The following AACS variants were observed in gnomAD, a reference collection of about 807,000 sequenced individuals.
The protein encoded by AACS is acetoacetyl-CoA synthetase.
AACS carries 69 observed loss-of-function variants against 83.1 expected under a neutral mutation model. That is an observed-to-expected ratio of 0.83 (90% CI 0.68 to 1.01). The LOEUF (loss-of-function observed/expected upper bound fraction) is 1.01, where lower values mean the gene tolerates loss of function less well. Among genes scored for constraint, AACS ranks in the 50% least tolerant of loss-of-function variants. AACS has a pLI of 0.00. For missense variants in AACS, 866 were observed against 882.2 expected, an observed-to-expected ratio of 0.98 and a Z score of 0.23; for synonymous variants, 333 against 343.4, an observed-to-expected ratio of 0.97 and a Z score of 0.33.
chr12:125,066,693 A>C (rs1314020268), intron 1 of AACS, among the ~76,000 whole-genome samples: 1 of 151,572 alleles, frequency 6.6e-6, no homozygotes, highest in Admixed American at 6.6e-5. Flanking sequence ...AGGTGATCCG[A>C]TCGCCTTGGC....
chr12:125,065,514 C>T lies in AACS; in HGVS notation c.-71C>T. ...ACCGTCGCTTCCTCCGGTCCCAGGTCCCCGGCCCTCGCCTCAGCCCCGGCC... is the reference window on the plus strand; with the variant it reads ...ACCGTCGCTTCCTCCGGTCCCAGGTTCCCGGCCCTCGCCTCAGCCCCGGCC... On this transcript the variant is annotated 5_prime_UTR_variant, in exon 1 of 18. Transcript: ENST00000316519. 7.3e-7 allele frequency: 1 copy of T among 1,368,348 alleles called. No homozygotes were observed. Among genetic ancestry groups the T allele is most frequent in the Non-Finnish European group, 9.5e-7 (1 of 1,057,352 alleles). The allele number at this position is 1,368,348 out of a possible 1,614,324, so 84.8% of individuals were successfully genotyped here. A position where few individuals can be genotyped will look rare whatever the true frequency, so the allele number is the denominator to read the frequency against.
chr12:125,116,306 T>C (rs895293254), intron 9 of AACS, among the ~76,000 whole-genome samples: 3 of 152,132 alleles, frequency 2.0e-5, no homozygotes, highest in Non-Finnish European at 4.4e-5. Flanking sequence ...GGTCTTGTAT[T>C]GAGAGGAAGG....
intron 3 of AACS, among the ~76,000 whole-genome samples, chr12:125,080,498 C>T (rs1466603975): frequency 6.6e-6 from 1 of 151,506 alleles, no homozygotes; most frequent in African/African-American, 2.4e-5. Flanking sequence ...CTGTTACATA[C>T]AGTATTGGCT....
At chr12:125,109,631 G>T (rs1380933365) in intron 8 of AACS, among the ~76,000 whole-genome samples, 2 of 151,690 alleles carry the variant, frequency 1.3e-5, no homozygotes, top group African/African-American at 4.9e-5. Context: ...AATTCAGGAA[G>T]GTTGGCGTTG....
intron 3 of AACS, among the ~76,000 whole-genome samples, chr12:125,079,536 T>G (rs1371759883): frequency 1.3e-5 from 2 of 151,934 alleles, no homozygotes; most frequent in Non-Finnish European, 2.9e-5. Flanking sequence ...CATGCACCAC[T>G]GTGTCCGGCT....
In AACS at chr12:125,142,827, C is replaced by A. The variant is rs1252205986; in HGVS notation, c.*598C>A. The A allele has an allele frequency of 1.3e-5, 2 of 152,522 alleles. No individual in the cohort carries two copies. Among genetic ancestry groups the A allele is most frequent in the East Asian group, 3.8e-4 (2 of 5,198 alleles). 9.4% of individuals were successfully genotyped at this position (152,522 alleles called of 1,614,324 possible). ...TGCGTCACCCGTCAACCAGAGCGTG[C>A]CTCCGGGCCAGCTTCCCTCCAAGGA... is the stretch of plus-strand genomic sequence containing the variant. On this transcript the variant is annotated 3_prime_UTR_variant, in exon 18 of 18. Coordinates refer to ENST00000316519, the MANE Select transcript of AACS (RefSeq NM_023928.5).
intron 5 of AACS, among the ~76,000 whole-genome samples, chr12:125,096,694 A>G (rs916400039): frequency 2.0e-5 from 3 of 152,090 alleles, no homozygotes; most frequent in Non-Finnish European, 4.4e-5. Flanking sequence ...AAACAGAGGG[A>G]CACCCAAGTC....
intron 5 of AACS, among the ~76,000 whole-genome samples, chr12:125,091,837 C>T (rs1412757201): frequency 1.3e-5 from 2 of 152,230 alleles, no homozygotes; most frequent in African/African-American, 2.4e-5. Flanking sequence ...TTAGTGACCA[C>T]GTGAGGTTTG....
chr12:125,107,009 A>G (rs944970648), intron 7 of AACS, 112 bp from the exon 8 acceptor site: 28 of 1,500,760 alleles, frequency 1.9e-5, no homozygotes, highest in Admixed American at 9.1e-5. Flanking sequence ...TCCCCCTGGA[A>G]TCCTGGCTTT....
intron 9 of AACS, among the ~76,000 whole-genome samples, chr12:125,116,924 C>G (rs1957063984): frequency 7.0e-6 from 1 of 143,400 alleles, no homozygotes; most frequent in African/African-American, 2.6e-5. Flanking sequence ...TTTCCCTTTG[C>G]CTTTTGTCCT....
At chr12:125,098,808 A>T (rs1391210188) in intron 5 of AACS, among the ~76,000 whole-genome samples, 1 of 152,174 alleles carries the variant, frequency 6.6e-6, no homozygotes. Context: ...ATTTTGCTGG[A>T]TTGAGTTATA....
At chr12:125,096,239 G>A (rs1028041433) in intron 5 of AACS, among the ~76,000 whole-genome samples, 8 of 152,330 alleles carry the variant, frequency 5.3e-5, no homozygotes, top group Admixed American at 5.2e-4. Flanking sequence ...GAGCCACTGT[G>A]CCCAGCCTTA....
In AACS at chr12:125,073,978, A is replaced by T; in HGVS notation, c.236A>T (p.Glu79Val). ...SGIVFSRVYD[E>V]VVDTSKGIAD... ...ATTGTCTTCTCACGTGTGTATGATG[A>T]GGTAAGTAGAGATTTTCCGTGGATA... is the stretch of plus-strand genomic sequence containing the variant. The change falls in exon 2 of 18, where the codon GAG (glutamate) becomes GTG (valine). Residue 79 changes from glutamate (E) to valine (V), a missense_variant and splice_region_variant. Physicochemically the swap from Glu to Val is moderately radical, Grantham distance 121 (BLOSUM62 -2). Transcript: ENST00000316519. 6.2e-7 allele frequency: 1 copy of T among 1,607,344 alleles called. No homozygotes were observed. The highest frequency in any genetic ancestry group is 8.5e-7 in the Non-Finnish European group (1 of 1,176,376).
rs138601558 is a variant in AACS at position 125,065,805 on chromosome 12, G to A, written c.133+88G>A. 1.1e-4 allele frequency: 160 copies of A among 1,393,120 alleles called. No individual in the cohort carries two copies. In the African/African-American group the frequency reaches 2.1e-3, roughly 19 times the overall value. 86.3% of individuals were successfully genotyped at this position (1,393,120 alleles called of 1,614,324 possible). ...GTGGTCTCCCCATGGCTAGTTTCAC[G>A]CTTCTGGGGCTGGAGGAGCCACTTG... On this transcript the variant is annotated intron_variant, in intron 1 of 17. Coordinates refer to ENST00000316519, the MANE Select transcript of AACS (RefSeq NM_023928.5).
At chr12:125,076,071 T>A (rs1956012410) in intron 2 of AACS, among the ~76,000 whole-genome samples, 1 of 152,172 alleles carries the variant, frequency 6.6e-6, no homozygotes, top group African/African-American at 2.4e-5. Flanking sequence ...AAATCAAGGT[T>A]CCAGCACTCC....
At chr12:125,076,773 A>T (rs1273002668) in intron 3 of AACS, among the ~76,000 whole-genome samples, 162 bp downstream of exon 3, 1 of 152,072 alleles carries the variant, frequency 6.6e-6, no homozygotes, top group Non-Finnish European at 1.5e-5. Flanking sequence ...TGGGGAGGGG[A>T]AAGGGCCAGT....
intron 3 of AACS, among the ~76,000 whole-genome samples, chr12:125,079,361 T>C (rs1157025259): frequency 6.6e-6 from 1 of 152,138 alleles, no homozygotes; most frequent in Non-Finnish European, 1.5e-5. Context: ...CTTAGGGGAC[T>C]GCTCCGTGCT....
At position 125,115,295 on chromosome 12, in the gene AACS, G is replaced by A. The variant is rs549059304; in HGVS notation, c.996+738G>A. On this transcript the variant is annotated intron_variant, in intron 9 of 17. Coordinates refer to ENST00000316519, the MANE Select transcript of AACS (RefSeq NM_023928.5). ...TTTTTTTTTGCGATGAAGTCTAGCT[G>A]TGTCGCCCAGGCTGGAGTGCAGTGA... is the stretch of plus-strand genomic sequence containing the variant. Among the ~76,000 whole-genome samples, 20 of 145,134 alleles carry A rather than the reference G, an allele frequency of 1.4e-4. No individual in the cohort carries two copies. In the South Asian group the frequency reaches 1.5e-3, roughly 11 times the overall value.
chr12:125,131,301 T>C (rs1391709412), intron 14 of AACS, among the ~76,000 whole-genome samples: 2 of 151,866 alleles, frequency 1.3e-5, no homozygotes, highest in East Asian at 1.9e-4. Flanking sequence ...AGCCTTGATC[T>C]CCAGGGCTCA....
Sources: allele counts gnomAD v4.1 joint callset (sites outside exome capture counted in the v4.1 genomes callset), GRCh38; gene constraint gnomAD v4.1.1; transcripts MANE v1.5; gene names NCBI Gene and HGNC (gene_info 2026-07-23, HGNC 2026-07-21).